RPAP3: variants seen among roughly 807,000 people sequenced by gnomAD.
RPAP3 encodes the protein RNA polymerase II-associated protein 3.
Under a neutral mutation model 88.8 loss-of-function variants are expected in RPAP3, and 58 were observed. That is an observed-to-expected ratio of 0.65 (90% confidence interval 0.53 to 0.81). The LOEUF (loss-of-function observed/expected upper bound fraction) is 0.81. Among genes scored for constraint, RPAP3 ranks in the 40% least tolerant of loss-of-function variants. RPAP3 has a pLI of 0.00. For synonymous variants in RPAP3, 255 were observed against 259.9 expected (o/e 0.98, Z 0.18); for missense variants, 751 against 764.3 (o/e 0.98, Z 0.20).
At chr12:47,686,545 T>TACACACACACACACACACACAC (rs59485150) in intron 9 of RPAP3, among the ~76,000 whole-genome samples, 2 of 145,348 alleles carry the variant, frequency 1.4e-5, no homozygotes, top group Admixed American at 6.8e-5. Flanking sequence ...CACATACACA[T>TACACACACACACACACACACAC]ACACACACAC....
At chr12:47,688,325 T>G (rs377710900) in intron 7 of RPAP3, among the ~76,000 whole-genome samples, 2 of 151,642 alleles carry the variant, frequency 1.3e-5, no homozygotes, top group African/African-American at 4.8e-5. Context: ...AGACTACCTG[T>G]TGGGGAGAGA....
Position 47,667,813 on chromosome 12 carries a change from T to C in RPAP3, c.1752A>G (p.Lys584=). ...GGTTGAATACATCTGGATCCAGATT[T>C]TTCTGAAACAACTTAGGATACAAAG... ...EPSLYPKLFQ[K]NLDPDVFNQI... The change falls in exon 15 of 17, where the codon AAA becomes AAG. Residue 584 remains lysine (K), a synonymous_variant. Coordinates refer to ENST00000005386, the MANE Select transcript of RPAP3 (RefSeq NM_024604.3). 6.2e-7 allele frequency: 1 copy of C among 1,608,348 alleles called. No individual in the cohort carries two copies. Among genetic ancestry groups the C allele is most frequent in the Non-Finnish European group, 8.5e-7 (1 of 1,176,810 alleles).
chr12:47,689,221 AT>A, intron 6 of RPAP3, 26 bp from the exon 7 acceptor site: 1 of 965,700 alleles, frequency 1.0e-6, no homozygotes, highest in Non-Finnish European at 1.6e-6. Flanking sequence ...GATAAAAAAA[AT>A]TTTTAAAGAT....
At chr12:47,677,797 A>G (rs12302572) in intron 12 of RPAP3, among the ~76,000 whole-genome samples, 3,025 of 152,310 alleles carry the variant, frequency 0.02, 110 homozygotes, top group African/African-American at 0.069. Context: ...GGAAGAATCA[A>G]TATTGTGAAA....
Position 47,702,715 on chromosome 12 carries a change from T to TAGTTCC in RPAP3, c.120_125dup (p.Glu41_Leu42dup). The stretch of plus-strand genomic sequence containing the variant: ...CTTCAGGAACACCATTCTGTCTTCT[T>TAGTTCC]AGTTCCATATCCTTTTGTTTAATGT... On this transcript the variant is annotated inframe_insertion, in exon 2 of 17. Transcript: ENST00000005386. 1 of 1,610,060 alleles carries TAGTTCC rather than the reference T, an allele frequency of 6.2e-7. No homozygotes were observed. The highest frequency in any genetic ancestry group is 8.5e-7 in the Non-Finnish European group (1 of 1,178,058).
At chr12:47,693,347 C>T (rs1431396381) in intron 5 of RPAP3, among the ~76,000 whole-genome samples, 4 of 152,092 alleles carry the variant, frequency 2.6e-5, no homozygotes, top group Non-Finnish European at 4.4e-5. Context: ...AAAACAATTA[C>T]AATAGAAACA....
At chr12:47,680,969 G>A (rs73104112) in intron 10 of RPAP3, among the ~76,000 whole-genome samples, 15,469 of 140,468 alleles carry the variant, frequency 0.11, 939 homozygotes, top group African/African-American at 0.17. Flanking sequence ...ACAAAAAAAC[G>A]AAACAAAAAA....
Position 47,696,344 on chromosome 12 carries a change from G to A in RPAP3, c.477C>T (p.Gly159=). ...CGGGATTATATGGATCGGCATCCAT[G>A]CCTTTTGTGTAGCAGTCAATTGCTT... ...YDEAIDCYTK[G]MDADPYNPVL... is the part of the protein sequence containing the mutation. Residue 159 remains glycine, a synonymous_variant, in exon 5 of 17, where the codon GGC becomes GGT. Coordinates refer to ENST00000005386, the MANE Select transcript of RPAP3 (RefSeq NM_024604.3). The A allele has an allele frequency of 6.3e-7, 1 of 1,599,674 alleles. No individual in the cohort carries two copies. The highest frequency in any genetic ancestry group is 8.5e-7 in the Non-Finnish European group (1 of 1,171,932).
rs772978474 is a variant in RPAP3, at chr12:47,681,765, A to G, written c.1045T>C (p.Tyr349His). 9 of 1,611,748 alleles carry G rather than the reference A, an allele frequency of 5.6e-6. No homozygotes were observed. In the South Asian group the frequency reaches 7.7e-5, roughly 14 times the overall value. The change falls in exon 10 of 17, where the codon TAT becomes CAT. Residue 349 changes from tyrosine (Y) to histidine (H), a missense_variant. By Grantham distance (83) the Tyr-to-His change is moderately conservative. Transcript: ENST00000005386. ...CTQAILLDGS[Y>H]SKAFARRGTA... ...CCTCTTCTGGCAAAAGCTTTAGAAT[A>G]TGAGCCATCTAATAAAATGGCTTGT...
chr12:47,697,364 A>G (rs58292976), intron 4 of RPAP3, among the ~76,000 whole-genome samples: 6,541 of 152,294 alleles, frequency 0.043, 464 homozygotes, highest in African/African-American at 0.14. Context: ...TGCAGATGAG[A>G]AAACTGAAGT....
At position 47,663,216 on chromosome 12, in the gene RPAP3, G is replaced by A. The variant is rs1592464230; in HGVS notation, c.*289C>T. The A allele has an allele frequency of 1.4e-5, 3 of 213,594 alleles. No homozygotes were observed. The highest frequency in any genetic ancestry group is 6.9e-5 in the African/African-American group (3 of 43,370). The allele number at this position is 213,594 out of a possible 1,614,324, so 13.2% of individuals were successfully genotyped here. A position where few individuals can be genotyped will look rare whatever the true frequency, so the allele number is the denominator to read the frequency against. ...AATATAAAAATAATGTTACATTTAT[G>A]GGTCACTGAAGAATGTATCTAAATT... On this transcript the variant is annotated 3_prime_UTR_variant, in exon 17 of 17. Coordinates refer to ENST00000005386, the MANE Select transcript of RPAP3 (RefSeq NM_024604.3).
intron 10 of RPAP3, among the ~76,000 whole-genome samples, chr12:47,680,766 A>G (rs1939206319): frequency 6.6e-6 from 1 of 152,002 alleles, no homozygotes; most frequent in East Asian, 1.9e-4. Flanking sequence ...AATAGTATCA[A>G]GAATTAAAAT....
chr12:47,670,541 G>A (rs941240825), intron 12 of RPAP3, among the ~76,000 whole-genome samples, 196 bp from the exon 13 acceptor site: 13 of 152,104 alleles, frequency 8.5e-5, no homozygotes, highest in African/African-American at 2.2e-4. Flanking sequence ...CAGGTAGGTC[G>A]AAACAAGGGA....
chr12:47,703,347 T>C (rs1939695506), intron 1 of RPAP3, among the ~76,000 whole-genome samples: 1 of 152,196 alleles, frequency 6.6e-6, no homozygotes, highest in Admixed American at 6.5e-5. Context: ...TACTGACATT[T>C]TGGGCCAAAA....
intron 10 of RPAP3, among the ~76,000 whole-genome samples, chr12:47,680,534 T>C (rs919220145): frequency 6.6e-6 from 1 of 151,970 alleles, no homozygotes; most frequent in Non-Finnish European, 1.5e-5. Flanking sequence ...AGATTTTAAA[T>C]GCACATACCA....
chr12:47,690,049 A>AAG (rs1565720419), intron 6 of RPAP3, among the ~76,000 whole-genome samples: 1 of 151,426 alleles, frequency 6.6e-6, no homozygotes, highest in Non-Finnish European at 1.5e-5. Flanking sequence ...CTCAAAAAAA[A>AAG]AAAAAAGAAA....
intron 2 of RPAP3, among the ~76,000 whole-genome samples, chr12:47,701,866 C>T (rs1378464104): frequency 6.6e-6 from 1 of 152,154 alleles, no homozygotes; most frequent in East Asian, 1.9e-4. Flanking sequence ...AATTTGCAAT[C>T]CTAAATTCAA....
At chr12:47,700,977 G>T (rs1281958658) in intron 3 of RPAP3, among the ~76,000 whole-genome samples, 1 of 152,196 alleles carries the variant, frequency 6.6e-6, no homozygotes, top group Non-Finnish European at 1.5e-5. Flanking sequence ...TGACTATAAA[G>T]GGATGGCACA....
Position 47,662,590 on chromosome 12 carries a change from G to A in RPAP3, c.*915C>T, listed in dbSNP as rs1017911990. 6.6e-6 allele frequency: 1 copy of A among 152,154 alleles called. No homozygotes were observed. Among genetic ancestry groups the A allele is most frequent in the East Asian group, 1.9e-4 (1 of 5,196 alleles). 9.4% of individuals were successfully genotyped at this position (152,154 alleles called of 1,614,324 possible). A position where few individuals can be genotyped will look rare whatever the true frequency, so the allele number is the denominator to read the frequency against. On this transcript the variant is annotated 3_prime_UTR_variant, in exon 17 of 17. Coordinates refer to ENST00000005386, the MANE Select transcript of RPAP3 (RefSeq NM_024604.3). ...TCTCTAAAATTAACTGGTTTTACCAGTGCTTACACCATGCCCAAAAATTTG... is the reference window on the plus strand; with the variant it reads ...TCTCTAAAATTAACTGGTTTTACCAATGCTTACACCATGCCCAAAAATTTG...
Sources: allele counts gnomAD v4.1 joint callset (sites outside exome capture counted in the v4.1 genomes callset), GRCh38; gene constraint gnomAD v4.1.1; transcripts MANE v1.5; gene names NCBI Gene and HGNC (gene_info 2026-07-23, HGNC 2026-07-21).